The following DLG2 variants were observed in gnomAD, a reference collection of about 807,000 sequenced individuals.
DLG2 encodes discs large MAGUK scaffold protein 2, also known as disks large homolog 2.
Under a neutral mutation model 132.5 loss-of-function variants are expected in DLG2, and 45 were observed. That is an observed-to-expected ratio of 0.34 (90% CI 0.27 to 0.44). DLG2 has a LOEUF of 0.44. Ranked by LOEUF, DLG2 falls within the 20% of genes least tolerant of loss-of-function variation. DLG2 has a pLI of 1.00. For synonymous variants in DLG2, 424 were observed against 419.6 expected, an observed-to-expected ratio of 1.01 and a Z score of -0.13; for missense variants, 1,045 against 1,196.9, an observed-to-expected ratio of 0.87 and a Z score of 1.87.
chr11:85,534,975 T>C (rs769470787), intron 3 of DLG2, among the ~76,000 whole-genome samples: 1 of 152,226 alleles, frequency 6.6e-6, no homozygotes, highest in African/African-American at 2.4e-5. Flanking sequence ...TAGCGTTCCC[T>C]TTTCTCCACA....
At chr11:84,852,011 T>C (rs1300457351) in intron 6 of DLG2, among the ~76,000 whole-genome samples, 2 of 152,042 alleles carry the variant, frequency 1.3e-5, no homozygotes, top group Non-Finnish European at 2.9e-5. Flanking sequence ...AAGCTTGGGA[T>C]ACTTTTAATG....
At chr11:84,372,552 G>T (rs1567446162) in intron 7 of DLG2, among the ~76,000 whole-genome samples, 1 of 152,162 alleles carries the variant, frequency 6.6e-6, no homozygotes, top group Non-Finnish European at 1.5e-5. Flanking sequence ...GCTTCAATTT[G>T]TGGTTGCTTA....
At chr11:84,748,073 G>C (rs1246273245) in intron 6 of DLG2, among the ~76,000 whole-genome samples, 1 of 152,158 alleles carries the variant, frequency 6.6e-6, no homozygotes, top group Non-Finnish European at 1.5e-5. Flanking sequence ...TTCTTGAGTA[G>C]AATCAAAGAC....
chr11:83,997,455 C>A (rs569951068), intron 11 of DLG2, among the ~76,000 whole-genome samples: 1 of 151,994 alleles, frequency 6.6e-6, no homozygotes, highest in Admixed American at 6.6e-5. Context: ...CCAAATAAGA[C>A]CAGGTGCAGT....
chr11:84,592,281 G>A (rs1167484327), intron 6 of DLG2, among the ~76,000 whole-genome samples: 1 of 152,064 alleles, frequency 6.6e-6, no homozygotes, highest in Non-Finnish European at 1.5e-5. Flanking sequence ...ATATGATGTG[G>A]GCAATAAGCC....
intron 16 of DLG2, among the ~76,000 whole-genome samples, chr11:83,835,483 A>G (rs963869364): frequency 1.3e-5 from 2 of 152,172 alleles, no homozygotes; most frequent in Non-Finnish European, 2.9e-5. Context: ...AAGGAAGAAC[A>G]TTCTGGCCAG....
At chr11:84,310,639 C>A (rs1337926963) in intron 7 of DLG2, among the ~76,000 whole-genome samples, 2 of 152,196 alleles carry the variant, frequency 1.3e-5, no homozygotes, top group Non-Finnish European at 1.5e-5. Context: ...TGTGTTATCA[C>A]TTGCTCTCTT....
intron 6 of DLG2, among the ~76,000 whole-genome samples, chr11:84,792,733 T>C (rs80018447): frequency 6.6e-6 from 1 of 152,168 alleles, no homozygotes; most frequent in East Asian, 1.9e-4. Flanking sequence ...TAGCCACTAA[T>C]GATCTTTTGA....
chr11:84,136,182 T>G (rs1320339014), intron 9 of DLG2, among the ~76,000 whole-genome samples: 2 of 152,268 alleles, frequency 1.3e-5, no homozygotes, highest in African/African-American at 2.4e-5. Flanking sequence ...CTTACTTAAC[T>G]TACTAAGCCT....
intron 11 of DLG2, among the ~76,000 whole-genome samples, chr11:84,052,505 A>G (rs1031938707): frequency 6.6e-6 from 1 of 151,946 alleles, no homozygotes; most frequent in Non-Finnish European, 1.5e-5. Context: ...TTTACAAGAA[A>G]AAAAACAACC....
At chr11:83,531,638 C>A (rs1033142904) in intron 21 of DLG2, among the ~76,000 whole-genome samples, 1 of 151,996 alleles carries the variant, frequency 6.6e-6, no homozygotes, top group Non-Finnish European at 1.5e-5. Flanking sequence ...AACAATCTCA[C>A]TCCTAGGCAT....
At position 84,352,659 on chromosome 11, in the gene DLG2, T is replaced by C. The variant is rs2098585484; in HGVS notation, c.520-101368A>G. 1.3e-5 allele frequency among the ~76,000 whole-genome samples: 2 copies of C among 152,150 alleles called. 1 individual carries two copies. The highest frequency in any genetic ancestry group is 4.1e-4 in the South Asian group (2 of 4,832). ...TGCTGGCTCAATTCATTGGCGCAAGTAGTGGTTAGGCCAAGGCACTAAGAT... is the reference window on the plus strand; with the variant it reads ...TGCTGGCTCAATTCATTGGCGCAAGCAGTGGTTAGGCCAAGGCACTAAGAT... On this transcript the variant is annotated intron_variant, in intron 7 of 27. Transcript: ENST00000376104.
At chr11:83,535,845 C>T (rs2095865206) in intron 20 of DLG2, among the ~76,000 whole-genome samples, 1 of 152,154 alleles carries the variant, frequency 6.6e-6, no homozygotes, top group African/African-American at 2.4e-5. Flanking sequence ...TTGGTCCCCA[C>T]AACAACCTAA....
At chr11:85,494,763 G>A (rs207060) in intron 3 of DLG2, among the ~76,000 whole-genome samples, 4 of 151,850 alleles carry the variant, frequency 2.6e-5, no homozygotes, top group African/African-American at 4.8e-5. Flanking sequence ...AAGTTAAGAC[G>A]AAATATGAAA....
At chr11:84,936,940 G>T (rs2048818152) in intron 6 of DLG2, among the ~76,000 whole-genome samples, 1 of 152,110 alleles carries the variant, frequency 6.6e-6, no homozygotes, top group South Asian at 2.1e-4. Context: ...ATCACTTGAG[G>T]TCCGGGGTTT....
At chr11:83,562,848 T>C (rs551936631) in intron 19 of DLG2, among the ~76,000 whole-genome samples, 61 of 152,120 alleles carry the variant, frequency 4.0e-4, no homozygotes, top group Non-Finnish European at 8.4e-4. Flanking sequence ...CAAACTCCAC[T>C]TCTTTACATT....
intron 6 of DLG2, among the ~76,000 whole-genome samples, chr11:84,667,497 T>G (rs28448383): frequency 2.8e-5 from 1 of 35,262 alleles, no homozygotes; most frequent in Non-Finnish European, 4.9e-5. Context: ...TTTTGTTTTT[T>G]GTTTTTTTTT....
rs370682094 is a variant in DLG2, at chr11:84,166,043, G to A, written c.574-2532C>T. Reference sequence around the variant, plus strand: ...TTTACATGAGGAGCATTTAGAGCACGGAATCACAGGAGCCAGTGAGAGAGT... The same window carrying A: ...TTTACATGAGGAGCATTTAGAGCACAGAATCACAGGAGCCAGTGAGAGAGT... On this transcript the variant is annotated intron_variant, in intron 8 of 27. Coordinates refer to ENST00000376104, the MANE Select transcript of DLG2 (RefSeq NM_001142699.3). Among the ~76,000 whole-genome samples, 120 of 152,256 alleles carry A rather than the reference G, an allele frequency of 7.9e-4. 1 individual carries two copies. In the Middle Eastern group the frequency reaches 0.014, roughly 17 times the overall value.
At chr11:83,513,788 C>T (rs1281797561) in intron 21 of DLG2, among the ~76,000 whole-genome samples, 1 of 152,156 alleles carries the variant, frequency 6.6e-6, no homozygotes, top group East Asian at 1.9e-4. Context: ...AATAGGGAAT[C>T]CTTTCCCCAT....
Sources: allele counts gnomAD v4.1 joint callset (sites outside exome capture counted in the v4.1 genomes callset), GRCh38; gene constraint gnomAD v4.1.1; transcripts MANE v1.5; gene names NCBI Gene and HGNC (gene_info 2026-07-23, HGNC 2026-07-21).